The following SLC2A9 variants were observed in gnomAD, a reference collection of about 807,000 sequenced individuals.
The protein encoded by SLC2A9 is solute carrier family 2 member 9.
SLC2A9 carries 39 observed loss-of-function variants against 50.6 expected under a neutral mutation model. The observed-to-expected ratio is 0.77, with a 90% confidence interval of 0.60 to 1.01. The LOEUF (loss-of-function observed/expected upper bound fraction) is 1.01, where lower values mean the gene tolerates loss of function less well. Among genes scored for constraint, SLC2A9 ranks in the 50% least tolerant of loss-of-function variants. The pLI is 0.00. For missense variants in SLC2A9, 686 were observed against 677.6 expected, an observed-to-expected ratio of 1.01 and a Z score of -0.14; for synonymous variants, 324 against 276.9, an observed-to-expected ratio of 1.17 and a Z score of -1.69.
intron 5 of SLC2A9, among the ~76,000 whole-genome samples, chr4:9,958,276 C>T (rs1407637881): frequency 6.6e-6 from 1 of 152,046 alleles, no homozygotes; most frequent in African/African-American, 2.4e-5. Context: ...GAAAGTACTG[C>T]AGGAAATGAT....
intron 4 of SLC2A9, among the ~76,000 whole-genome samples, chr4:9,983,242 A>G (rs1756180266): frequency 6.6e-6 from 1 of 152,164 alleles, no homozygotes; most frequent in Admixed American, 6.5e-5. Flanking sequence ...AGAGGCCAAG[A>G]CTGTGAGGTC....
chr4:9,936,964 A>T (rs1056378852), intron 6 of SLC2A9, among the ~76,000 whole-genome samples: 1 of 152,226 alleles, frequency 6.6e-6, no homozygotes, highest in Admixed American at 6.5e-5. Flanking sequence ...CTCAAAGCAC[A>T]GGGATGCTCT....
chr4:9,851,450 T>C (rs6847871), intron 10 of SLC2A9, among the ~76,000 whole-genome samples: 71,769 of 152,056 alleles, frequency 0.47, 19,311 homozygotes, highest in African/African-American at 0.74. Flanking sequence ...TCAAAGATTG[T>C]AGGATCATCA....
chr4:10,001,089 G>C (rs1219485540), intron 2 of SLC2A9, among the ~76,000 whole-genome samples: 4 of 152,006 alleles, frequency 2.6e-5, no homozygotes, highest in Non-Finnish European at 5.9e-5. Context: ...TTGGAGTAAG[G>C]CCCACTCTAC....
intron 10 of SLC2A9, among the ~76,000 whole-genome samples, chr4:9,839,012 T>A (rs1577467331): frequency 6.6e-6 from 1 of 152,214 alleles, no homozygotes; most frequent in East Asian, 1.9e-4. Context: ...TGGGATCCAA[T>A]TAAACTAAAG....
At chr4:9,842,628 C>T (rs1728258107) in intron 10 of SLC2A9, among the ~76,000 whole-genome samples, 1 of 152,088 alleles carries the variant, frequency 6.6e-6, no homozygotes, top group Non-Finnish European at 1.5e-5. Flanking sequence ...CCTCTCATTT[C>T]AAAAGAACAG....
At chr4:10,032,522 T>C (rs1578392769) in intron 1 of SLC2A9, among the ~76,000 whole-genome samples, 1 of 152,216 alleles carries the variant, frequency 6.6e-6, no homozygotes, top group Middle Eastern at 3.4e-3. Context: ...AGCTGCTGGC[T>C]GCTGGGCTGT....
At chr4:9,929,863 A>C (rs1018238596) in intron 6 of SLC2A9, among the ~76,000 whole-genome samples, 1 of 152,176 alleles carries the variant, frequency 6.6e-6, no homozygotes, top group African/African-American at 2.4e-5. Flanking sequence ...GTTCGAGACC[A>C]GGGTGTCCGC....
intron 5 of SLC2A9, among the ~76,000 whole-genome samples, chr4:9,979,267 T>C (rs770623012): frequency 6.6e-6 from 1 of 152,178 alleles, no homozygotes; most frequent in Non-Finnish European, 1.5e-5. Flanking sequence ...AAGTAGCTGT[T>C]AGGATTTGAG....
Position 9,790,694 on chromosome 4 carries a change from A to G in SLC2A9, n.386-10629T>C, listed in dbSNP as rs767227229. Among the ~76,000 whole-genome samples the G allele has an allele frequency of 4.3e-4, 66 of 152,328 alleles. 2 individuals carry two copies. The Middle Eastern group carries it at 0.041, about 94-fold the overall frequency. ...TCTGTCCTAGAACTACTTGAAAGTT[A>G]AAATATTGATGTCTGGGGCCGACTC... On this transcript the variant is annotated intron_variant and non_coding_transcript_variant, in intron 3 of 3. Coordinates refer to the SLC2A9 transcript ENST00000503803.
intron 3 of SLC2A9, among the ~76,000 whole-genome samples, chr4:9,820,695 G>T (rs4697891): frequency 0.93 from 141,456 of 152,268 alleles, 65,994 homozygotes; most frequent in Non-Finnish European, 0.96. Flanking sequence ...TTCTTGTTTT[G>T]GGAACTATTA....
chr4:9,778,099 T>C (rs1189295472), downstream of SLC2A9, among the ~76,000 whole-genome samples: 2 of 144,142 alleles, frequency 1.4e-5, no homozygotes, highest in African/African-American at 5.2e-5. Context: ...CTTCCTTCCT[T>C]CCTTCCTTCT....
chr4:10,015,010 G>C (rs1053126083), intron 2 of SLC2A9, among the ~76,000 whole-genome samples: 7 of 152,230 alleles, frequency 4.6e-5, no homozygotes, highest in African/African-American at 1.4e-4. Flanking sequence ...AGTTAGATCA[G>C]GTCCTTTATG....
chr4:9,783,562 T>G, intron 3 of SLC2A9: 4 of 1,142,882 alleles, frequency 3.5e-6, no homozygotes, highest in Non-Finnish European at 4.9e-6. Flanking sequence ...GCTGCTCCCT[T>G]TATCATGTGT....
intron 3 of SLC2A9, among the ~76,000 whole-genome samples, chr4:9,805,324 T>A (rs534772555): frequency 6.6e-5 from 10 of 152,328 alleles, no homozygotes; most frequent in African/African-American, 1.9e-4. Context: ...TCGAAAAGCC[T>A]CTGCTCAGAC....
intron 5 of SLC2A9, among the ~76,000 whole-genome samples, chr4:9,963,853 G>T (rs936103961): frequency 6.6e-6 from 1 of 152,306 alleles, no homozygotes; most frequent in Admixed American, 6.5e-5. Flanking sequence ...AGATTCTTGG[G>T]GAACCACCTG....
intron 6 of SLC2A9, among the ~76,000 whole-genome samples, chr4:9,929,129 G>C (rs1195895048): frequency 1.3e-5 from 2 of 152,182 alleles, no homozygotes; most frequent in African/African-American, 4.8e-5. Context: ...ACTTGCTAAG[G>C]GTTCCCTTGT....
chr4:9,849,996 C>T (rs976126159), intron 10 of SLC2A9, among the ~76,000 whole-genome samples: 9 of 151,896 alleles, frequency 5.9e-5, no homozygotes, highest in Admixed American at 1.3e-4. Flanking sequence ...CATCTCCCAC[C>T]GAGAGACCGG....
chr4:9,941,732 C>G (rs531522616), intron 6 of SLC2A9, among the ~76,000 whole-genome samples, 181 bp downstream of exon 6: 1 of 152,168 alleles, frequency 6.6e-6, no homozygotes, highest in African/African-American at 2.4e-5. Context: ...CCCTCTCTGT[C>G]CCCCAGCAAG....
Sources: allele counts gnomAD v4.1 joint callset (sites outside exome capture counted in the v4.1 genomes callset), GRCh38; gene constraint gnomAD v4.1.1; transcripts MANE v1.5; gene names NCBI Gene and HGNC (gene_info 2026-07-23, HGNC 2026-07-21).